The following DNAI1 variants were observed in gnomAD, a reference collection of about 807,000 sequenced individuals.
DNAI1 encodes dynein, axonemal, intermediate polypeptide 1.
A neutral mutation model predicts 92.0 loss-of-function variants in DNAI1; 67 were observed. The observed-to-expected ratio is 0.73, with a 90% CI of 0.60 to 0.89. The LOEUF is 0.89. Among genes scored for constraint, DNAI1 ranks in the 40% least tolerant of loss-of-function variants. DNAI1 has a pLI of 0.00. For missense variants in DNAI1, 839 were observed against 866.6 expected, an observed-to-expected ratio of 0.97 and a Z score of 0.40; for synonymous variants, 323 against 319.6, an observed-to-expected ratio of 1.01 and a Z score of -0.11.
chr9:34,483,357 C>A, intron 1 of DNAI1, 91 bp from the exon 2 acceptor site: 2 of 1,309,524 alleles, frequency 1.5e-6, no homozygotes, highest in Non-Finnish European at 2.1e-6. Flanking sequence ...ACTGTGAGAT[C>A]CCTGGGCAGG....
At chr9:34,487,310 C>T (rs993133827) in intron 4 of DNAI1, among the ~76,000 whole-genome samples, 6 of 151,976 alleles carry the variant, frequency 3.9e-5, no homozygotes, top group Non-Finnish European at 5.9e-5. Context: ...CTCAGCCTCC[C>T]GAGTAGCTGG....
chr9:34,464,265 C>T (rs1253629381), intron 1 of DNAI1, among the ~76,000 whole-genome samples: 1 of 152,110 alleles, frequency 6.6e-6, no homozygotes, highest in Non-Finnish European at 1.5e-5. Context: ...GTGCCATCCC[C>T]CACTCAGAAC....
At chr9:34,484,115 C>A (rs572344562) in intron 2 of DNAI1, among the ~76,000 whole-genome samples, 1 of 152,060 alleles carries the variant, frequency 6.6e-6, no homozygotes, top group Non-Finnish European at 1.5e-5. Flanking sequence ...TTTGGGAGGC[C>A]GAGGCAAGAG....
chr9:34,508,750 G>A (rs1824997674), intron 13 of DNAI1, among the ~76,000 whole-genome samples: 1 of 152,132 alleles, frequency 6.6e-6, no homozygotes, highest in South Asian at 2.1e-4. Context: ...GGGAAAATGG[G>A]GCGTTGAGAA....
chr9:34,491,304 C>A, intron 7 of DNAI1, 191 bp from the exon 8 acceptor site: 1 of 661,720 alleles, frequency 1.5e-6, no homozygotes. Context: ...CTGAAGGAGG[C>A]CAGAATGGAC....
chr9:34,477,619 A>G (rs762440744), intron 1 of DNAI1, among the ~76,000 whole-genome samples: 2 of 152,150 alleles, frequency 1.3e-5, no homozygotes, highest in East Asian at 3.9e-4. Context: ...TAAGAAAGAT[A>G]TTAAAGAAAT....
At chr9:34,470,209 A>G (rs1824112346) in intron 1 of DNAI1, among the ~76,000 whole-genome samples, 1 of 152,220 alleles carries the variant, frequency 6.6e-6, no homozygotes, top group Non-Finnish European at 1.5e-5. Context: ...AAAAAATTTC[A>G]GTTAATACAA....
chr9:34,518,644 C>T (rs1048109862), intron 19 of DNAI1, among the ~76,000 whole-genome samples: 2 of 152,184 alleles, frequency 1.3e-5, no homozygotes, highest in Admixed American at 1.3e-4. Context: ...AAAATGTGTT[C>T]TTAATTTTCT....
rs78578975 is a variant in DNAI1, at chr9:34,477,818, T to C, written c.49-5630T>C. Among the ~76,000 whole-genome samples, 1,092 of 151,912 alleles carry C rather than the reference T, an allele frequency of 7.2e-3. 18 individuals are homozygous for C. Among genetic ancestry groups the C allele is most frequent in the African/African-American group, 0.025 (1,020 of 41,392 alleles). On this transcript the variant is annotated intron_variant, in intron 1 of 19. Coordinates refer to ENST00000242317, the MANE Select transcript of DNAI1 (RefSeq NM_012144.4). ...ATAATGAGGTCAGTTTTAAAGATAT[T>C]GAGTTTGAGTACTCTGTCATCAATT...
At position 34,490,474 on chromosome 9, in the gene DNAI1, A is replaced by T; in HGVS notation, c.607A>T (p.Asn203Tyr). 2 of 1,614,182 alleles carry T rather than the reference A, an allele frequency of 1.2e-6. No individual in the cohort carries two copies. Among genetic ancestry groups the T allele is most frequent in the Non-Finnish European group, 1.7e-6 (2 of 1,180,032 alleles). The change falls in exon 7 of 20, where the codon AAC (asparagine) becomes TAC (tyrosine). Residue 203 changes from asparagine (N) to tyrosine (Y), a missense_variant. Physicochemically the swap from Asn to Tyr is moderately radical, Grantham distance 143 (BLOSUM62 -2). Transcript: ENST00000242317. ...NFSERASQTYNNPVRDRECQT... is the reference protein window; with the variant it reads ...NFSERASQTYYNPVRDRECQT... ...CAGTGAGAGGGCCTCACAGACCTACAACAACCCTGTCCGGGTAGAGCAGCC... is the reference window on the plus strand; with the variant it reads ...CAGTGAGAGGGCCTCACAGACCTACTACAACCCTGTCCGGGTAGAGCAGCC...
Position 34,489,376 on chromosome 9 carries a change from C to A in DNAI1, c.315C>A (p.Thr105=). 6.2e-7 allele frequency: 1 copy of A among 1,614,010 alleles called. No individual in the cohort carries two copies. The highest frequency in any genetic ancestry group is 1.1e-5 in the South Asian group (1 of 91,072). ...GFVNQLAVHY[T]QVGNLIPKDS... is the part of the protein sequence containing the mutation. ...TGAACCAACTGGCAGTTCACTACAC[C>A]CAGGTTGGGAACCTGATCCCCAAAG... The change falls in exon 5 of 20, where the codon ACC becomes ACA. Residue 105 remains threonine (T), a synonymous_variant. Transcript: ENST00000242317.
rs1434548322 is a variant in DNAI1, at chr9:34,497,161, G to A, written c.863G>A (p.Arg288Gln). 10 of 1,613,958 alleles carry A rather than the reference G, an allele frequency of 6.2e-6. No individual in the cohort carries two copies. Among genetic ancestry groups the A allele is most frequent in the East Asian group, 4.5e-5 (2 of 44,900 alleles). The change falls in exon 10 of 20, where the codon CGG (arginine) becomes CAG (glutamine). Residue 288 changes from arginine (R) to glutamine (Q), a missense_variant. Arg to Gln is a conservative substitution (Grantham distance 43). Transcript: ENST00000242317. Reference protein sequence around the residue: ...KLSQAAKIMERMVNQNTYDDI... With the variant: ...KLSQAAKIMEQMVNQNTYDDI... ...TCCCAAGCTGCTAAGATCATGGAGC[G>A]GATGGTCAACCAGAATACATATGAT...
At chr9:34,483,544 ATTAT>A (rs1168780488) in intron 2 of DNAI1, 64 bp downstream of exon 2, 1 of 1,485,054 alleles carries the variant, frequency 6.7e-7, no homozygotes, top group Non-Finnish European at 9.3e-7. Context: ...TGTTGAAAAT[ATTAT>A]TTATGTGTTT....
chr9:34,510,345 T>G (rs1825040426), intron 13 of DNAI1, among the ~76,000 whole-genome samples: 2 of 152,200 alleles, frequency 1.3e-5, no homozygotes, highest in African/African-American at 4.8e-5. Flanking sequence ...CAACACTCTG[T>G]GGGGTGTGTG....
At chr9:34,516,910 T>C (rs1418275166) in intron 18 of DNAI1, among the ~76,000 whole-genome samples, 1 of 151,746 alleles carries the variant, frequency 6.6e-6, no homozygotes, top group African/African-American at 2.4e-5. Context: ...CATCTAATTT[T>C]TTGTATTTTT....
In DNAI1 at chr9:34,461,781, A is replaced by C. The variant is rs1350143951; in HGVS notation, c.48+2728A>C. 2.0e-5 allele frequency among the ~76,000 whole-genome samples: 3 copies of C among 152,224 alleles called. No individual in the cohort carries two copies. In the East Asian group the frequency reaches 5.8e-4, roughly 29 times the overall value. ...GTTGTATTTACCATTTTCTTGCCTC[A>C]GTGAAGACCAATTTGAGTCAGTGCT... On this transcript the variant is annotated intron_variant, in intron 1 of 19. Coordinates refer to ENST00000242317, the MANE Select transcript of DNAI1 (RefSeq NM_012144.4).
At chr9:34,492,499 T>TAGATATAGATATAG (rs1564033892) in intron 8 of DNAI1, among the ~76,000 whole-genome samples, 18 of 42,072 alleles carry the variant, frequency 4.3e-4, no homozygotes, top group African/African-American at 1.9e-3. Context: ...TGAAGATATA[T>TAGATATAGATATAG]ATATATATAT....
At chr9:34,506,930 AC>A in intron 13 of DNAI1, 56 bp downstream of exon 13, 1 of 1,590,764 alleles carries the variant, frequency 6.3e-7, no homozygotes, top group Non-Finnish European at 8.5e-7. Flanking sequence ...GCCTGGAGCC[AC>A]TGGAGGAGGG....
chr9:34,512,493 G>A, intron 15 of DNAI1, 69 bp downstream of exon 15: 1 of 1,464,520 alleles, frequency 6.8e-7, no homozygotes, highest in African/African-American at 1.4e-5. Context: ...GTCAGTGACA[G>A]TGGTCCTTCC....
Sources: allele counts gnomAD v4.1 joint callset (sites outside exome capture counted in the v4.1 genomes callset), GRCh38; gene constraint gnomAD v4.1.1; transcripts MANE v1.5; gene names NCBI Gene and HGNC (gene_info 2026-07-23, HGNC 2026-07-21).